Variants in PRKG1 observed in about 807,000 individuals in gnomAD.
The protein encoded by PRKG1 is protein kinase cGMP-dependent 1, also known as cGMP-dependent protein kinase 1.
In PRKG1, 35 loss-of-function variants were observed where a neutral mutation model predicts 88.1. The ratio of observed to expected loss-of-function variants is 0.40; its 90% confidence interval spans 0.30 to 0.53. The LOEUF is 0.53. PRKG1 is among the 20% of genes least tolerant of loss of function. PRKG1 has a pLI of 0.59. For missense variants in PRKG1, 540 were observed against 839.8 expected (o/e 0.64, Z 4.41); for synonymous variants, 303 against 292.5 (o/e 1.04, Z -0.37).
intron 2 of PRKG1, among the ~76,000 whole-genome samples, chr10:51,329,912 A>C (rs1199842218): frequency 1.4e-5 from 2 of 144,416 alleles, no homozygotes; most frequent in African/African-American, 2.5e-5. Context: ...GTTTGATTGT[A>C]CTATGTCTTA....
intron 3 of PRKG1, chr10:51,696,586 C>A (rs1841298777): frequency 6.6e-6 from 1 of 151,930 alleles, no homozygotes; most frequent in Non-Finnish European, 1.5e-5. Flanking sequence ...ATGCTCGAGG[C>A]CTGGCAGAAC....
intron 3 of PRKG1, among the ~76,000 whole-genome samples, chr10:51,584,367 T>G (rs1201539006): frequency 1.3e-5 from 2 of 152,050 alleles, no homozygotes; most frequent in Non-Finnish European, 2.9e-5. Context: ...AACTAAAATC[T>G]AGTTGGGAAG....
intron 5 of PRKG1, among the ~76,000 whole-genome samples, chr10:51,932,871 G>A (rs965672663): frequency 1.2e-4 from 18 of 151,956 alleles, no homozygotes; most frequent in African/African-American, 4.4e-4. Flanking sequence ...TGAAGCGGGG[G>A]TTATCTCAGA....
intron 7 of PRKG1, among the ~76,000 whole-genome samples, chr10:52,085,196 C>T (rs1164994802): frequency 6.6e-6 from 1 of 151,994 alleles, no homozygotes; most frequent in Non-Finnish European, 1.5e-5. Context: ...TAATAAACAA[C>T]CTGTAAGGAA....
intron 2 of PRKG1, 80 bp downstream of exon 2, chr10:51,153,410 T>G: frequency 1.5e-6 from 2 of 1,310,278 alleles, no homozygotes; most frequent in South Asian, 3.9e-5. Context: ...GGCAATGCAT[T>G]ACATGGAAAA....
intron 4 of PRKG1, among the ~76,000 whole-genome samples, chr10:51,845,396 A>T (rs899367692): frequency 2.0e-5 from 3 of 152,126 alleles, no homozygotes; most frequent in African/African-American, 7.2e-5. Flanking sequence ...TTGTGCTTCA[A>T]AGTGTTGACA....
intron 2 of PRKG1, among the ~76,000 whole-genome samples, chr10:51,222,577 A>C (rs1023716776): frequency 6.6e-6 from 1 of 152,272 alleles, no homozygotes; most frequent in Non-Finnish European, 1.5e-5. Flanking sequence ...TGCTTAGTCT[A>C]TTTGTTTCAT....
chr10:51,927,266 T>C (rs527471008), intron 5 of PRKG1, among the ~76,000 whole-genome samples: 17 of 152,320 alleles, frequency 1.1e-4, no homozygotes, highest in African/African-American at 3.8e-4. Flanking sequence ...TCACGAGATC[T>C]GATGATTTTA....
Position 51,934,260 on chromosome 10 carries a change from C to CG in PRKG1, c.762+26690_762+26691insG, listed in dbSNP as rs368360092. ...TGCATGATTACACACACATACCCCC[C>CG]CCCCAACACCGCCCACACACACGCA... On this transcript the variant is annotated intron_variant, in intron 5 of 17. Coordinates refer to ENST00000373980, the MANE Select transcript of PRKG1 (RefSeq NM_006258.4). Among the ~76,000 whole-genome samples the CG allele has an allele frequency of 1.2e-3, 175 of 150,990 alleles. 3 individuals are homozygous for CG. Among genetic ancestry groups the CG allele is most frequent in the African/African-American group, 1.5e-3 (62 of 41,208 alleles).
chr10:52,208,203 C>G (rs372956271), intron 9 of PRKG1, among the ~76,000 whole-genome samples: 3 of 152,130 alleles, frequency 2.0e-5, no homozygotes, highest in African/African-American at 7.2e-5. Context: ...TGAGAATATT[C>G]TTGAATCACT....
At chr10:51,238,702 A>T (rs1248574369) in intron 2 of PRKG1, among the ~76,000 whole-genome samples, 2 of 152,000 alleles carry the variant, frequency 1.3e-5, no homozygotes, top group Non-Finnish European at 2.9e-5. Context: ...ACGAGGTTGC[A>T]GTGAGCCAAG....
Position 51,682,791 on chromosome 10 carries a change from G to A in PRKG1, c.593-121794G>A, listed in dbSNP as rs577671668. ...GAATTTGAACACAGGCAGAGATTGA[G>A]CTCTTTACTATAACAGTGCCATCTT... is the stretch of plus-strand genomic sequence containing the variant. On this transcript the variant is annotated intron_variant, in intron 3 of 17. Coordinates refer to ENST00000373980, the MANE Select transcript of PRKG1 (RefSeq NM_006258.4). Among the ~76,000 whole-genome samples, 5 of 152,242 alleles carry A rather than the reference G, an allele frequency of 3.3e-5. No homozygotes were observed. In the South Asian group the frequency reaches 8.3e-4, roughly 25 times the overall value.
chr10:51,174,351 A>G (rs1289899803), intron 2 of PRKG1, among the ~76,000 whole-genome samples: 1 of 151,460 alleles, frequency 6.6e-6, no homozygotes, highest in Non-Finnish European at 1.5e-5. Context: ...AACATTGTAA[A>G]CATTTTATAA....
chr10:51,503,290 T>C (rs1221458316), intron 3 of PRKG1, among the ~76,000 whole-genome samples: 2 of 152,130 alleles, frequency 1.3e-5, no homozygotes, highest in African/African-American at 2.4e-5. Context: ...ACAAAGAAGA[T>C]GAAGGAAACA....
intron 3 of PRKG1, among the ~76,000 whole-genome samples, chr10:51,767,205 A>G (rs1315896586): frequency 2.6e-5 from 4 of 152,186 alleles, no homozygotes; most frequent in Admixed American, 2.6e-4. Context: ...TCATATGCCA[A>G]GATTAGAAGA....
At chr10:51,114,488 T>C (rs984311449) in intron 1 of PRKG1, among the ~76,000 whole-genome samples, 10 of 151,382 alleles carry the variant, frequency 6.6e-5, no homozygotes, top group African/African-American at 2.4e-4. Flanking sequence ...GGACAAAGTG[T>C]GAAGGGGAGG....
intron 4 of PRKG1, among the ~76,000 whole-genome samples, chr10:51,858,730 G>A (rs1057009771): frequency 3.3e-5 from 5 of 151,562 alleles, no homozygotes; most frequent in Middle Eastern, 3.2e-3. Context: ...GGTGAAGGAG[G>A]TACCTTCAAA....
chr10:51,897,687 A>G (rs1589400270), intron 4 of PRKG1, among the ~76,000 whole-genome samples: 1 of 152,128 alleles, frequency 6.6e-6, no homozygotes, highest in African/African-American at 2.4e-5. Context: ...CATTCAGTCT[A>G]CTAGGAAATC....
At chr10:51,470,933 C>A (rs1319600821) in intron 3 of PRKG1, among the ~76,000 whole-genome samples, 1 of 151,656 alleles carries the variant, frequency 6.6e-6, no homozygotes, top group Non-Finnish European at 1.5e-5. Flanking sequence ...ACCACGATAG[C>A]ACTAGGAGGA....
Sources: allele counts gnomAD v4.1 joint callset (sites outside exome capture counted in the v4.1 genomes callset), GRCh38; gene constraint gnomAD v4.1.1; transcripts MANE v1.5; gene names NCBI Gene and HGNC (gene_info 2026-07-23, HGNC 2026-07-21).